Variants in ADAMTS19 observed in about 807,000 individuals in gnomAD.
ADAMTS19 encodes A disintegrin and metalloproteinase with thrombospondin motifs 19.
Under a neutral mutation model 153.3 loss-of-function variants are expected in ADAMTS19, and 93 were observed. The observed-to-expected ratio is 0.61, with a 90% CI of 0.51 to 0.72. The LOEUF (loss-of-function observed/expected upper bound fraction) is 0.72. Ranked by LOEUF, ADAMTS19 falls within the 30% of genes least tolerant of loss-of-function variation. The probability of loss-of-function intolerance (pLI) is 0.00; values close to 1 mark genes in which losing one functional copy is unlikely to be tolerated. For missense variants in ADAMTS19, 1,482 were observed against 1,552.1 expected (o/e 0.95, Z 0.76); for synonymous variants, 600 against 556.6 (o/e 1.08, Z -1.10).
intron 2 of ADAMTS19, among the ~76,000 whole-genome samples, chr5:129,481,042 C>T (rs1394460198): frequency 1.3e-5 from 2 of 152,072 alleles, no homozygotes; most frequent in African/African-American, 2.4e-5. Flanking sequence ...CCAAAACAAA[C>T]GAAAAGCAAC....
At chr5:129,487,744 C>A (rs902998691) in intron 2 of ADAMTS19, among the ~76,000 whole-genome samples, 1 of 151,958 alleles carries the variant, frequency 6.6e-6, no homozygotes, top group Non-Finnish European at 1.5e-5. Context: ...TCTAGATGTG[C>A]TTTTTTCTAT....
At chr5:129,650,838 C>A (rs1753287479) in intron 13 of ADAMTS19, among the ~76,000 whole-genome samples, 2 of 152,132 alleles carry the variant, frequency 1.3e-5, no homozygotes, top group South Asian at 2.1e-4. Flanking sequence ...TCACAACCAC[C>A]CTTCTCAAAA....
rs1266156430 is a variant in ADAMTS19 at position 129,461,158 on chromosome 5, C to A, written c.148C>A (p.Arg50Ser). 2.1e-6 allele frequency: 3 copies of A among 1,397,912 alleles called. No individual in the cohort carries two copies. The highest frequency in any genetic ancestry group is 3.1e-5 in the East Asian group (1 of 32,672). 86.6% of individuals were successfully genotyped at this position (1,397,912 alleles called of 1,614,324 possible). ...EWEVVFPALW[R>S]REPVDPAGGS... ...GGAAGTCGTGTTTCCTGCGCTCTGGCGCCGGGAGCCGGTGGACCCGGCTGG... is the reference window on the plus strand; with the variant it reads ...GGAAGTCGTGTTTCCTGCGCTCTGGAGCCGGGAGCCGGTGGACCCGGCTGG... Residue 50 changes from arginine to serine, a missense_variant, in exon 2 of 23, where the codon CGC becomes AGC. Arg to Ser is a moderately radical substitution (Grantham distance 110). Coordinates refer to ENST00000274487, the MANE Select transcript of ADAMTS19 (RefSeq NM_133638.6). The surrounding 1 kb of genome is among the most constrained non-coding windows in gnomAD (Gnocchi z 4.6).
intron 6 of ADAMTS19, among the ~76,000 whole-genome samples, chr5:129,539,868 C>T (rs1752597756): frequency 6.6e-6 from 1 of 152,028 alleles, no homozygotes; most frequent in South Asian, 2.1e-4. Flanking sequence ...TGTGGAGGAT[C>T]ACCCTTTCTC....
chr5:129,529,076 T>C (rs184820669), intron 6 of ADAMTS19, among the ~76,000 whole-genome samples: 1 of 152,220 alleles, frequency 6.6e-6, no homozygotes, highest in East Asian at 1.9e-4. Context: ...TCTGGCTCCA[T>C]GTGAGAAACA....
At chr5:129,529,163 A>G (rs766687856) in intron 6 of ADAMTS19, among the ~76,000 whole-genome samples, 2 of 152,140 alleles carry the variant, frequency 1.3e-5, no homozygotes, top group African/African-American at 2.4e-5. Context: ...TTAATATAGC[A>G]TTAAGTATAA....
chr5:129,572,429 C>T lies in ADAMTS19; in HGVS notation c.1372+20522C>T, dbSNP rs144674902. ...CAATCCCACCCCTGAGCATTTACTT[C>T]AAAAAAACGAAAACTTACATTCACC... is the stretch of plus-strand genomic sequence containing the variant. On this transcript the variant is annotated intron_variant, in intron 7 of 22. Transcript: ENST00000274487. Among the ~76,000 whole-genome samples the T allele has an allele frequency of 2.3e-3, 354 of 151,902 alleles. 1 individual carries two copies. Among genetic ancestry groups the T allele is most frequent in the Admixed American group, 4.8e-3 (73 of 15,238 alleles).
intron 3 of ADAMTS19, among the ~76,000 whole-genome samples, chr5:129,520,151 C>T (rs1233424722): frequency 6.6e-6 from 1 of 152,126 alleles, no homozygotes; most frequent in East Asian, 1.9e-4. Flanking sequence ...TCCCTATGTA[C>T]CATACTCCTT....
chr5:129,539,222 G>C (rs372264079), intron 6 of ADAMTS19, among the ~76,000 whole-genome samples: 33 of 152,124 alleles, frequency 2.2e-4, no homozygotes, highest in East Asian at 1.3e-3. Flanking sequence ...GAGATGGGCA[G>C]ATTATCCTGG....
intron 6 of ADAMTS19, among the ~76,000 whole-genome samples, chr5:129,543,683 A>C (rs1752746933): frequency 2.0e-5 from 3 of 152,210 alleles, no homozygotes; most frequent in Non-Finnish European, 4.4e-5. Context: ...TTGAGGGTGG[A>C]GTTAATTAAG....
intron 21 of ADAMTS19, among the ~76,000 whole-genome samples, chr5:129,708,590 C>CAAAAAAAA (rs1174701520): frequency 2.1e-3 from 131 of 61,750 alleles, no homozygotes; most frequent in East Asian, 3.5e-3. Flanking sequence ...AGCAGAGAAG[C>CAAAAAAAA]AAAAAAAAAA....
chr5:129,596,863 AATCTT>A (rs540544821), intron 8 of ADAMTS19, among the ~76,000 whole-genome samples, 199 bp downstream of exon 8: 69 of 152,280 alleles, frequency 4.5e-4, no homozygotes, highest in African/African-American at 1.7e-3. Flanking sequence ...CTTTGAATAA[AATCTT>A]ATTACATTAT....
chr5:129,610,738 C>G (rs533649235), intron 8 of ADAMTS19, among the ~76,000 whole-genome samples: 1 of 151,986 alleles, frequency 6.6e-6, no homozygotes, highest in Non-Finnish European at 1.5e-5. Flanking sequence ...TGAATAGTGC[C>G]GCAATAAACA....
intron 7 of ADAMTS19, among the ~76,000 whole-genome samples, chr5:129,554,408 A>G (rs1469423368): frequency 2.0e-5 from 3 of 152,108 alleles, no homozygotes; most frequent in Non-Finnish European, 4.4e-5. Context: ...AGCACATGCC[A>G]TTGCCCTAGT....
At chr5:129,523,610 T>TA (rs1751900499) in intron 3 of ADAMTS19, among the ~76,000 whole-genome samples, 1 of 152,282 alleles carries the variant, frequency 6.6e-6, no homozygotes, top group Admixed American at 6.5e-5. Context: ...GCTGTTATAA[T>TA]CGCAAATTTA....
At chr5:129,487,747 TTTTCTATAC>T (rs1218703210) in intron 2 of ADAMTS19, among the ~76,000 whole-genome samples, 5 of 152,116 alleles carry the variant, frequency 3.3e-5, no homozygotes, top group Admixed American at 2.6e-4. Flanking sequence ...AGATGTGCTT[TTTTCTATAC>T]ATAATTAGTT....
At chr5:129,624,874 T>C (rs1410696229) in intron 10 of ADAMTS19, among the ~76,000 whole-genome samples, 3 of 152,190 alleles carry the variant, frequency 2.0e-5, no homozygotes, top group Non-Finnish European at 4.4e-5. Context: ...CTAGGGTACA[T>C]GTGCACAATG....
intron 3 of ADAMTS19, among the ~76,000 whole-genome samples, chr5:129,516,907 G>GTTTTTTTTTTTTTTTT (rs1751634467): frequency 9.5e-6 from 1 of 105,662 alleles, no homozygotes; most frequent in Non-Finnish European, 1.9e-5. Flanking sequence ...TTTTTTTTTC[G>GTTTTTTTTTTTTTTTT]ATGTAGGCAC....
At chr5:129,731,996 T>C (rs1279576324) in intron 21 of ADAMTS19, among the ~76,000 whole-genome samples, 1 of 152,102 alleles carries the variant, frequency 6.6e-6, no homozygotes, top group Non-Finnish European at 1.5e-5. Context: ...TACCATAAAA[T>C]AACGGTATTT....
Sources: gnomAD v4.1 joint callset for allele counts (sites outside exome capture counted in the v4.1 genomes callset) on GRCh38, gnomAD v4.1.1 for gene constraint, Gnocchi (gnomAD v3.1) non-coding constraint, MANE v1.5 for transcripts, NCBI Gene and HGNC (gene_info 2026-07-23, HGNC 2026-07-21) for gene names.